ADGRL3: variants seen among roughly 807,000 people sequenced by gnomAD.
The protein encoded by ADGRL3 is calcium-independent alpha-latrotoxin receptor 3.
A neutral mutation model predicts 153.5 loss-of-function variants in ADGRL3; 62 were observed. That is an observed-to-expected ratio of 0.40 (90% CI 0.33 to 0.50). The LOEUF (loss-of-function observed/expected upper bound fraction) is 0.50, where lower values mean the gene tolerates loss of function less well. ADGRL3 is among the 20% of genes least tolerant of loss of function. The pLI, the probability that ADGRL3 is intolerant of heterozygous loss-of-function variation, is 0.47. For synonymous variants in ADGRL3, 710 were observed against 672.5 expected (o/e 1.06, Z -0.86); for missense variants, 1,641 against 1,859.4 (o/e 0.88, Z 2.16).
At chr4:61,767,657 T>G (rs1396000235) in intron 8 of ADGRL3, among the ~76,000 whole-genome samples, 1 of 152,044 alleles carries the variant, frequency 6.6e-6, no homozygotes, top group Non-Finnish European at 1.5e-5. Flanking sequence ...ACAGTCCAAT[T>G]TTCAGTGGGG....
chr4:61,278,980 CTTTAGTAATAAAATCCTTG>C (rs1223560491), intron 1 of ADGRL3, among the ~76,000 whole-genome samples: 2 of 152,126 alleles, frequency 1.3e-5, no homozygotes, highest in African/African-American at 2.4e-5. Flanking sequence ...AGCAAAACTC[CTTTAGTAATAAAATCCTTG>C]TGTGTCTACA....
At chr4:61,930,280 G>T (rs916091377) in intron 13 of ADGRL3, among the ~76,000 whole-genome samples, 1 of 152,020 alleles carries the variant, frequency 6.6e-6, no homozygotes, top group Non-Finnish European at 1.5e-5. Context: ...TGGAGGAAGG[G>T]GGGTAACTAG....
At chr4:61,936,127 A>G (rs1490063156) in intron 15 of ADGRL3, 82 bp downstream of exon 15, 17 of 1,481,022 alleles carry the variant, frequency 1.1e-5, no homozygotes, top group African/African-American at 1.4e-5. Context: ...TATTAGGTCC[A>G]CTATTTAGGA....
chr4:61,742,557 G>A (rs2096595155), intron 8 of ADGRL3, among the ~76,000 whole-genome samples: 1 of 152,104 alleles, frequency 6.6e-6, no homozygotes, highest in African/African-American at 2.4e-5. Flanking sequence ...TGGGATTACA[G>A]GCGTGAGACA....
chr4:61,724,946 A>T (rs2096301469), intron 6 of ADGRL3, among the ~76,000 whole-genome samples: 2 of 151,828 alleles, frequency 1.3e-5, no homozygotes, highest in African/African-American at 2.4e-5. Context: ...TGTGGAAACC[A>T]TTTTTTTTCC....
chr4:61,800,207 C>T (rs1020903834), intron 8 of ADGRL3, among the ~76,000 whole-genome samples: 4 of 150,754 alleles, frequency 2.7e-5, no homozygotes, highest in African/African-American at 7.3e-5. Context: ...GAAACAGAAA[C>T]AGGAAAAATA....
chr4:61,390,237 T>C (rs1046055362), intron 2 of ADGRL3, among the ~76,000 whole-genome samples: 6 of 152,198 alleles, frequency 3.9e-5, no homozygotes, highest in African/African-American at 1.4e-4. Context: ...TTTCTTATTT[T>C]TATGGCTAAA....
chr4:61,669,379 G>A (rs1043154291), intron 5 of ADGRL3, among the ~76,000 whole-genome samples: 3 of 152,106 alleles, frequency 2.0e-5, no homozygotes, highest in African/African-American at 4.8e-5. Context: ...CTGTCTTGAG[G>A]AGGAAAATAG....
intron 1 of ADGRL3, among the ~76,000 whole-genome samples, chr4:61,296,650 T>C (rs1361145941): frequency 6.6e-6 from 1 of 152,176 alleles, no homozygotes; most frequent in Admixed American, 6.5e-5. Context: ...AACAGTGTTG[T>C]CAGAAAATGT....
chr4:61,906,411 T>TA (rs1444748509), intron 11 of ADGRL3: 2 of 152,110 alleles, frequency 1.3e-5, no homozygotes, highest in East Asian at 1.9e-4. Context: ...TGTCTTAATT[T>TA]AAAAAATTAA....
intron 2 of ADGRL3, among the ~76,000 whole-genome samples, chr4:61,481,907 A>G (rs762071307): frequency 7.5e-4 from 114 of 152,278 alleles, no homozygotes; most frequent in Admixed American, 4.2e-3. Context: ...ATTTTTAACA[A>G]AATTACTAAG....
chr4:61,838,697 A>G (rs2097975716), intron 9 of ADGRL3, among the ~76,000 whole-genome samples: 1 of 152,210 alleles, frequency 6.6e-6, no homozygotes, highest in Admixed American at 6.5e-5. Context: ...AAGAAAAATC[A>G]TAATTTCTCC....
chr4:61,826,112 A>C (rs906126137), intron 9 of ADGRL3, among the ~76,000 whole-genome samples: 1 of 145,798 alleles, frequency 6.9e-6, no homozygotes, highest in African/African-American at 2.4e-5. Context: ...TTGTAGTGGG[A>C]GATTTGGACA....
chr4:61,354,306 A>C (rs1321395380), intron 1 of ADGRL3, among the ~76,000 whole-genome samples: 1 of 152,174 alleles, frequency 6.6e-6, no homozygotes. Context: ...AATAAACTAT[A>C]TTGCTTCTCT....
In ADGRL3 at chr4:61,812,775, A is replaced by C. The variant is rs544794616; in HGVS notation, c.1400-1034A>C. 4.6e-5 allele frequency among the ~76,000 whole-genome samples: 7 copies of C among 152,270 alleles called. No homozygotes were observed. In the South Asian group the frequency reaches 1.5e-3, roughly 32 times the overall value. On this transcript the variant is annotated intron_variant, in intron 8 of 26. Transcript: ENST00000683033. ...AATCAGCATCTTGGCCTTAAAATTCACTTTAATGCTTTCATCTCATAAAAC... is the reference window on the plus strand; with the variant it reads ...AATCAGCATCTTGGCCTTAAAATTCCCTTTAATGCTTTCATCTCATAAAAC...
chr4:61,748,195 A>C (rs2096698009), intron 8 of ADGRL3, among the ~76,000 whole-genome samples: 1 of 152,124 alleles, frequency 6.6e-6, no homozygotes, highest in Non-Finnish European at 1.5e-5. Flanking sequence ...ACCACTGCTC[A>C]ATGAAATAAA....
At chr4:61,350,704 TG>T (rs1250654968) in intron 1 of ADGRL3, among the ~76,000 whole-genome samples, 1 of 152,142 alleles carries the variant, frequency 6.6e-6, no homozygotes, top group Non-Finnish European at 1.5e-5. Context: ...CAGTTATCTT[TG>T]ATGTTACTAC....
Position 61,513,134 on chromosome 4 carries a change from G to C in ADGRL3, c.56-4181G>C, listed in dbSNP as rs560204000. On this transcript the variant is annotated intron_variant, in intron 3 of 26. Transcript: ENST00000683033. ...AGCCATTGTTTTGTTTAGAGTCCCA[G>C]CTCACTGTTATGATTAATAGCTATT... Among the ~76,000 whole-genome samples, 44 of 152,182 alleles carry C rather than the reference G, an allele frequency of 2.9e-4. No homozygotes were observed. In the South Asian group the frequency reaches 8.9e-3, roughly 31 times the overall value.
intron 8 of ADGRL3, among the ~76,000 whole-genome samples, chr4:61,750,217 C>T (rs921575772): frequency 2.7e-5 from 4 of 147,544 alleles, no homozygotes; most frequent in East Asian, 4.0e-4. Flanking sequence ...AGGCAGTATT[C>T]CCTACTATTT....
Sources: allele counts gnomAD v4.1 joint callset (sites outside exome capture counted in the v4.1 genomes callset), GRCh38; gene constraint gnomAD v4.1.1; transcripts MANE v1.5; gene names NCBI Gene and HGNC (gene_info 2026-07-23, HGNC 2026-07-21).